SORCS2: variants seen among roughly 807,000 people sequenced by gnomAD.
SORCS2 encodes sortilin related VPS10 domain containing receptor 2.
SORCS2 carries 100 observed loss-of-function variants against 141.6 expected under a neutral mutation model. That is an observed-to-expected ratio of 0.71 (90% confidence interval 0.60 to 0.83). The LOEUF is 0.83. Among genes scored for constraint, SORCS2 ranks in the 40% least tolerant of loss-of-function variants. SORCS2 has a pLI of 0.00. For missense variants in SORCS2, 1,646 were observed against 1,560.2 expected, an observed-to-expected ratio of 1.05 and a Z score of -0.93; for synonymous variants, 789 against 676.9, an observed-to-expected ratio of 1.17 and a Z score of -2.57.
intron 3 of SORCS2, among the ~76,000 whole-genome samples, chr4:7,600,853 G>GT (rs1009304363): frequency 1.1e-4 from 16 of 152,066 alleles, no homozygotes; most frequent in African/African-American, 3.9e-4. Flanking sequence ...TTTTTGCCTG[G>GT]TATAACTTTC....
At chr4:7,638,287 G>A (rs1720403081) in intron 3 of SORCS2, 41 bp from the exon 4 acceptor site, 3 of 1,489,590 alleles carry the variant, frequency 2.0e-6, no homozygotes, top group African/African-American at 2.9e-5. Flanking sequence ...CGGGGGAGAG[G>A]GGCACCTGGC....
At chr4:7,630,726 C>A (rs901442454) in intron 3 of SORCS2, among the ~76,000 whole-genome samples, 3 of 152,202 alleles carry the variant, frequency 2.0e-5, no homozygotes, top group African/African-American at 7.2e-5. Flanking sequence ...TGGGAAGATT[C>A]TAATTTCAGA....
At chr4:7,284,349 C>A (rs1412256942) in intron 1 of SORCS2, among the ~76,000 whole-genome samples, 1 of 152,214 alleles carries the variant, frequency 6.6e-6, no homozygotes, top group Non-Finnish European at 1.5e-5. Context: ...CACTGCTTGG[C>A]CTTGAGCCAC....
intron 10 of SORCS2, among the ~76,000 whole-genome samples, chr4:7,686,981 G>T (rs1435245392): frequency 3.3e-5 from 5 of 152,236 alleles, no homozygotes; most frequent in African/African-American, 4.8e-5. Flanking sequence ...CAGGCAACCA[G>T]AATAGGCCAC....
intron 3 of SORCS2, among the ~76,000 whole-genome samples, chr4:7,582,080 G>T (rs1716197242): frequency 6.6e-6 from 1 of 152,066 alleles, no homozygotes; most frequent in Non-Finnish European, 1.5e-5. Context: ...CCATTTTTGT[G>T]GTCACCTACC....
intron 2 of SORCS2, among the ~76,000 whole-genome samples, chr4:7,400,514 C>A (rs77576060): frequency 2.0e-5 from 3 of 152,048 alleles, no homozygotes; most frequent in Non-Finnish European, 4.4e-5. Flanking sequence ...GTTGAGGATG[C>A]GAGGATGGAG....
chr4:7,507,502 G>A (rs1450936290), intron 2 of SORCS2, among the ~76,000 whole-genome samples: 5 of 152,120 alleles, frequency 3.3e-5, no homozygotes, highest in Non-Finnish European at 1.5e-5. Context: ...TTGTGTAGAA[G>A]AATAAGTGTC....
intron 2 of SORCS2, among the ~76,000 whole-genome samples, chr4:7,458,105 T>C (rs1374842928): frequency 2.0e-5 from 3 of 152,072 alleles, no homozygotes; most frequent in African/African-American, 7.2e-5. Flanking sequence ...ACAGTACTTC[T>C]GCGAAAAGTT....
chr4:7,531,580 T>G lies in SORCS2; in HGVS notation c.599T>G (p.Val200Gly). ...SYTKLTLQPG[V>G]TTVIDNFYIC... ...ACCAAGCTCACCCTCCAGCCTGGTG[T>G]CACCACCGTCATCGACAATTTCTAC... The change falls in exon 3 of 27, where the codon GTC becomes GGC. Residue 200 changes from valine to glycine, a missense_variant. Val to Gly is a moderately radical substitution (Grantham distance 109). Transcript: ENST00000507866. The G allele has an allele frequency of 1.2e-6, 2 of 1,613,874 alleles. No homozygotes were observed. The highest frequency in any genetic ancestry group is 1.7e-6 in the Non-Finnish European group (2 of 1,179,852).
At chr4:7,418,677 G>C (rs1725847067) in intron 2 of SORCS2, among the ~76,000 whole-genome samples, 2 of 148,190 alleles carry the variant, frequency 1.3e-5, no homozygotes, top group African/African-American at 5.0e-5. Context: ...TGATATATCA[G>C]TTAGCTTTTG....
chr4:7,589,955 C>T (rs1015847795), intron 3 of SORCS2, among the ~76,000 whole-genome samples: 1 of 152,148 alleles, frequency 6.6e-6, no homozygotes, highest in African/African-American at 2.4e-5. Context: ...CATGTGACTG[C>T]CTGGGGCACG....
At chr4:7,313,858 G>C (rs1011056142) in intron 1 of SORCS2, among the ~76,000 whole-genome samples, 5 of 152,174 alleles carry the variant, frequency 3.3e-5, no homozygotes, top group African/African-American at 1.2e-4. Context: ...CCTGTTTTCA[G>C]GGGCCCTATC....
At chr4:7,527,008 C>G (rs1268781191) in intron 2 of SORCS2, among the ~76,000 whole-genome samples, 2 of 152,220 alleles carry the variant, frequency 1.3e-5, no homozygotes, top group South Asian at 2.1e-4. Flanking sequence ...CATCTCCATT[C>G]GAATGAATTC....
At chr4:7,304,274 G>A (rs1362646800) in intron 1 of SORCS2, among the ~76,000 whole-genome samples, 1 of 152,192 alleles carries the variant, frequency 6.6e-6, no homozygotes, top group Non-Finnish European at 1.5e-5. Flanking sequence ...ACAGACATGG[G>A]TCTGTGAGGC....
At chr4:7,356,236 A>T (rs1721246070) in intron 1 of SORCS2, among the ~76,000 whole-genome samples, 1 of 152,214 alleles carries the variant, frequency 6.6e-6, no homozygotes, top group Non-Finnish European at 1.5e-5. Flanking sequence ...CACCAGATAC[A>T]GTATGCATTT....
At chr4:7,434,110 A>G (rs778419125) in intron 2 of SORCS2, 1 of 1,612,590 alleles carries the variant, frequency 6.2e-7, no homozygotes, top group Non-Finnish European at 8.5e-7. Flanking sequence ...AGGTGCCCCT[A>G]GCTCCTCACA....
intron 2 of SORCS2, among the ~76,000 whole-genome samples, chr4:7,464,680 T>C (rs1191261479): frequency 6.6e-6 from 1 of 152,190 alleles, no homozygotes; most frequent in Non-Finnish European, 1.5e-5. Flanking sequence ...TCCCAAAAAA[T>C]GGTGTACTCT....
At chr4:7,597,308 C>T (rs992002763) in intron 3 of SORCS2, among the ~76,000 whole-genome samples, 1 of 146,176 alleles carries the variant, frequency 6.8e-6, no homozygotes, top group East Asian at 2.0e-4. Flanking sequence ...AGATGGGGCT[C>T]TTGCAATGGG....
At chr4:7,547,694 C>T (rs1252428333) in intron 3 of SORCS2, among the ~76,000 whole-genome samples, 3 of 152,192 alleles carry the variant, frequency 2.0e-5, no homozygotes, top group African/African-American at 2.4e-5. Flanking sequence ...ACCCCAGTCA[C>T]GGGATCTCTG....
Sources: gnomAD v4.1 joint callset for allele counts (sites outside exome capture counted in the v4.1 genomes callset) on GRCh38, gnomAD v4.1.1 for gene constraint, MANE v1.5 for transcripts, NCBI Gene and HGNC (gene_info 2026-07-23, HGNC 2026-07-21) for gene names.